The following VHL variants were observed in gnomAD, a reference collection of about 807,000 sequenced individuals.
VHL encodes the protein von Hippel-Lindau disease tumor suppressor.
A neutral mutation model predicts 19.2 loss-of-function variants in VHL; 10 were observed. The observed-to-expected ratio is 0.52, with a 90% CI of 0.32 to 0.89. VHL has a LOEUF of 0.89. Among genes scored for constraint, VHL ranks in the 40% least tolerant of loss-of-function variants. VHL has a pLI of 0.03. For missense variants in VHL, 328 were observed against 292.7 expected (o/e 1.12, Z -0.88); for synonymous variants, 167 against 129.5 (o/e 1.29, Z -1.97).
rs1454294158 is a variant in VHL, at chr3:10,153,569, G to T, written c.*3604G>T. On this transcript the variant is annotated 3_prime_UTR_variant, in exon 3 of 3. Coordinates refer to ENST00000256474, the MANE Select transcript of VHL (RefSeq NM_000551.4). Reference sequence around the variant, plus strand: ...ATCTTGTGAATGTATTAAATATATCGCTCTTAAGAGACGGTGAAGTTCCTA... The same window carrying T: ...ATCTTGTGAATGTATTAAATATATCTCTCTTAAGAGACGGTGAAGTTCCTA... Among the ~76,000 whole-genome samples, 1 of 151,516 alleles carries T rather than the reference G, an allele frequency of 6.6e-6. No individual in the cohort carries two copies. The highest frequency in any genetic ancestry group is 1.5e-5 in the Non-Finnish European group (1 of 67,932).
Position 10,151,453 on chromosome 3 carries a change from A to G in VHL, c.*1488A>G, listed in dbSNP as rs1358810762. 4.5e-6 allele frequency: 1 copy of G among 223,890 alleles called. No homozygotes were observed. Among genetic ancestry groups the G allele is most frequent in the East Asian group, 6.6e-5 (1 of 15,248 alleles). The allele number at this position is 223,890 out of a possible 1,614,324, so 13.9% of individuals were successfully genotyped here. A position where few individuals can be genotyped will look rare whatever the true frequency, so the allele number is the denominator to read the frequency against. On this transcript the variant is annotated 3_prime_UTR_variant, in exon 3 of 3. Coordinates refer to ENST00000256474, the MANE Select transcript of VHL (RefSeq NM_000551.4). Reference sequence around the variant, plus strand: ...CCCAGTAGAGAAACATTTGGAAAAGACAGAAAACTAAAAAGGAAGAAAAAA... The same window carrying G: ...CCCAGTAGAGAAACATTTGGAAAAGGCAGAAAACTAAAAAGGAAGAAAAAA...
Position 10,144,263 on chromosome 3 carries a change from T to G in VHL, c.340+2076T>G, listed in dbSNP as rs184566286. Among the ~76,000 whole-genome samples the G allele has an allele frequency of 2.0e-5, 3 of 151,256 alleles. No individual in the cohort carries two copies. In the Admixed American group the frequency reaches 2.0e-4, roughly 10 times the overall value. ...AGGAGGATTTCTTGAGCCCAGGAGC[T>G]GGAGACCAGCCTGTGCAACATAGTG... On this transcript the variant is annotated intron_variant, in intron 1 of 2. Coordinates refer to ENST00000256474, the MANE Select transcript of VHL (RefSeq NM_000551.4).
Position 10,141,793 on chromosome 3 carries a change from G to T in VHL, c.-55G>T, listed in dbSNP as rs2125124238. 6.5e-7 allele frequency: 1 copy of T among 1,533,758 alleles called. No homozygotes were observed. The highest frequency in any genetic ancestry group is 8.8e-7 in the Non-Finnish European group (1 of 1,138,356). On this transcript the variant is annotated 5_prime_UTR_variant, in exon 1 of 3. Transcript: ENST00000256474. ...GAGCGCGCACGCAGCTCCGCCCCGC[G>T]TCCGACCCGCGGATCCCGCGGCGTC...
Position 10,142,016 on chromosome 3 carries a change from G to GGGCGGC in VHL, c.170_175dup (p.Arg58_Pro59insArgArg). On this transcript the variant is annotated inframe_insertion, in exon 1 of 3. Transcript: ENST00000256474. ...GGGCGCCGAGGAGGAGATGGAGGCC[G>GGGCGGC]GGCGGCCGCGGCCCGTGCTGCGCTC... 1 of 1,590,798 alleles carries GGGCGGC rather than the reference G, an allele frequency of 6.3e-7. No homozygotes were observed. The highest frequency in any genetic ancestry group is 8.5e-7 in the Non-Finnish European group (1 of 1,170,458).
chr3:10,143,338 A>G (rs912198456), intron 1 of VHL, among the ~76,000 whole-genome samples: 20 of 151,824 alleles, frequency 1.3e-4, no homozygotes, highest in African/African-American at 4.6e-4. Context: ...CATTTTGGCC[A>G]GGCTGGTCTC....
At chr3:10,145,545 A>G (rs1157416068) in intron 1 of VHL, among the ~76,000 whole-genome samples, 3 of 151,928 alleles carry the variant, frequency 2.0e-5, no homozygotes, top group African/African-American at 7.3e-5. Flanking sequence ...CTCTACTGAA[A>G]ATAACAAAAA....
chr3:10,146,489 T>C, intron 1 of VHL, 25 bp from the exon 2 acceptor site: 1 of 1,612,732 alleles, frequency 6.2e-7, no homozygotes, highest in Non-Finnish European at 8.5e-7. Context: ...TGTGGCTCTT[T>C]AACAACCTTT....
chr3:10,150,141 G>A lies in VHL; in HGVS notation c.*176G>A, dbSNP rs1696374530. On this transcript the variant is annotated 3_prime_UTR_variant, in exon 3 of 3. Coordinates refer to ENST00000256474, the MANE Select transcript of VHL (RefSeq NM_000551.4). ...ACTTCACTAGGCATTGTGATGTTTA[G>A]GGGCAAACATCACAAAATGTAATTT... The A allele has an allele frequency of 6.8e-7, 1 of 1,479,810 alleles. No homozygotes were observed. Among genetic ancestry groups the A allele is most frequent in the South Asian group, 1.3e-5 (1 of 77,338 alleles). 91.7% of individuals were successfully genotyped at this position (1,479,810 alleles called of 1,614,324 possible).
At position 10,151,581 on chromosome 3, in the gene VHL, A is replaced by G. The variant is rs1157033889; in HGVS notation, c.*1616A>G. The G allele has an allele frequency of 8.9e-6, 2 of 225,134 alleles. No individual in the cohort carries two copies. The highest frequency in any genetic ancestry group is 4.4e-5 in the African/African-American group (2 of 44,956). The allele number at this position is 225,134 out of a possible 1,614,324, so 13.9% of individuals were successfully genotyped here. A position where few individuals can be genotyped will look rare whatever the true frequency, so the allele number is the denominator to read the frequency against. On this transcript the variant is annotated 3_prime_UTR_variant, in exon 3 of 3. Coordinates refer to ENST00000256474, the MANE Select transcript of VHL (RefSeq NM_000551.4). ...ATTTTGGTTGGTTTTTACATAGTTG[A>G]GATTGTACTGTTCATACAGTTTTAT...
chr3:10,146,426 G>T (rs937966634), intron 1 of VHL, 88 bp from the exon 2 acceptor site: 1 of 1,571,956 alleles, frequency 6.4e-7, no homozygotes, highest in Non-Finnish European at 8.7e-7. Flanking sequence ...CGCCTGCCTC[G>T]GCCTCCCAAA....
chr3:10,144,383 G>C (rs1024224529), intron 1 of VHL, among the ~76,000 whole-genome samples: 1 of 152,042 alleles, frequency 6.6e-6, no homozygotes, highest in Non-Finnish European at 1.5e-5. Flanking sequence ...AGCTGAGGCA[G>C]GAAGATCACC....
In VHL at chr3:10,153,631, G is replaced by A. The variant is rs551099461; in HGVS notation, c.*3666G>A. On this transcript the variant is annotated 3_prime_UTR_variant, in exon 3 of 3. Transcript: ENST00000256474. Reference sequence around the variant, plus strand: ...TTTTTTTTTTTTTTTTTTTAAAGCTGTTTTTTAATACATTAAATGGTGCTG... The same window carrying A: ...TTTTTTTTTTTTTTTTTTTAAAGCTATTTTTTAATACATTAAATGGTGCTG... 6.8e-6 allele frequency among the ~76,000 whole-genome samples: 1 copy of A among 146,840 alleles called. No homozygotes were observed. Among genetic ancestry groups the A allele is most frequent in the African/African-American group, 2.5e-5 (1 of 40,416 alleles).
intron 1 of VHL, 62 bp from the exon 2 acceptor site, chr3:10,146,452 G>A (rs181985090): frequency 1.2e-5 from 19 of 1,606,638 alleles, no homozygotes; most frequent in African/African-American, 5.4e-5. Flanking sequence ...GGGATTACAG[G>A]TGTGGGCCAC....
At chr3:10,144,382 A>T (rs1014622718) in intron 1 of VHL, among the ~76,000 whole-genome samples, 1 of 152,030 alleles carries the variant, frequency 6.6e-6, no homozygotes, top group Non-Finnish European at 1.5e-5. Context: ...AAGCTGAGGC[A>T]GGAAGATCAC....
intron 1 of VHL, among the ~76,000 whole-genome samples, chr3:10,145,265 T>C (rs1696227503): frequency 6.6e-6 from 1 of 152,198 alleles, no homozygotes; most frequent in Non-Finnish European, 1.5e-5. Flanking sequence ...TTTACATTTC[T>C]TAAAATTTCC....
At chr3:10,143,404 C>T (rs1696176550) in intron 1 of VHL, among the ~76,000 whole-genome samples, 2 of 152,136 alleles carry the variant, frequency 1.3e-5, no homozygotes, top group South Asian at 2.1e-4. Context: ...GCTGAGATTA[C>T]AGGTGTAAGC....
chr3:10,149,643 C>T, intron 2 of VHL, 144 bp from the exon 3 acceptor site: 2 of 735,904 alleles, frequency 2.7e-6, no homozygotes, highest in South Asian at 1.5e-5. Flanking sequence ...GCATAACACA[C>T]TGCCACATAC....
intron 1 of VHL, among the ~76,000 whole-genome samples, chr3:10,143,853 G>C (rs1696187705): frequency 6.6e-6 from 1 of 152,188 alleles, no homozygotes; most frequent in Admixed American, 6.6e-5. Context: ...CTGCTGTCGA[G>C]GAAGCAGTTA....
chr3:10,146,520 T>G lies in VHL; in HGVS notation c.347T>G (p.Leu116Arg), dbSNP rs879254230. 1 of 1,613,680 alleles carries G rather than the reference T, an allele frequency of 6.2e-7. No individual in the cohort carries two copies. The highest frequency in any genetic ancestry group is 8.5e-7 in the Non-Finnish European group (1 of 1,179,722). The change falls in exon 2 of 3, where the codon CTT becomes CGT. Residue 116 changes from leucine (L) to arginine (R), a missense_variant. Physicochemically the swap from Leu to Arg is moderately radical, Grantham distance 102. Transcript: ENST00000256474. ...GRRIHSYRGH[L>R]WLFRDAGTHD... ...CCTTTGCTTGTCCCGATAGGTCACCTTTGGCTCTTCAGAGATGCAGGGACA... is the reference window on the plus strand; with the variant it reads ...CCTTTGCTTGTCCCGATAGGTCACCGTTGGCTCTTCAGAGATGCAGGGACA...
Sources: gnomAD v4.1 joint callset for allele counts (sites outside exome capture counted in the v4.1 genomes callset) on GRCh38, gnomAD v4.1.1 for gene constraint, MANE v1.5 for transcripts, NCBI Gene and HGNC (gene_info 2026-07-23, HGNC 2026-07-21) for gene names.